ZNF292: variants seen among roughly 807,000 people sequenced by gnomAD.
ZNF292 encodes the protein 16 zinc-finger domain protein.
A neutral mutation model predicts 217.9 loss-of-function variants in ZNF292; 26 were observed. The ratio of observed to expected loss-of-function variants is 0.12; its 90% CI spans 0.09 to 0.17. The LOEUF (loss-of-function observed/expected upper bound fraction) is 0.17. Among genes scored for constraint, ZNF292 ranks in the 10% least tolerant of loss-of-function variants. ZNF292 has a pLI of 1.00. For synonymous variants in ZNF292, 1,257 were observed against 1,124.1 expected, an observed-to-expected ratio of 1.12 and a Z score of -2.37; for missense variants, 2,904 against 3,175.2, an observed-to-expected ratio of 0.91 and a Z score of 2.05.
chr6:87,257,966 C>G lies in ZNF292; in HGVS notation c.4337C>G (p.Ala1446Gly), dbSNP rs1206025830. 1.2e-6 allele frequency: 2 copies of G among 1,613,828 alleles called. No individual in the cohort carries two copies. The highest frequency in any genetic ancestry group is 1.7e-5 in the Admixed American group (1 of 59,986). Reference sequence around the variant, plus strand: ...CAACAATCTACCTTCAATCCAGAAGCATGTTTTAAAGATCCATCATTTCTA... The same window carrying G: ...CAACAATCTACCTTCAATCCAGAAGGATGTTTTAAAGATCCATCATTTCTA... ...QPQQSTFNPE[A>G]CFKDPSFLQL... The change falls in exon 8 of 8, where the codon GCA (alanine) becomes GGA (glycine). Residue 1446 changes from alanine (A) to glycine (G), a missense_variant. Ala to Gly is a moderately conservative substitution (Grantham distance 60). This residue lies in a region of ZNF292 where 622 missense variants were observed against 573.1 expected (regional missense o/e 1.09). Coordinates refer to ENST00000369577, the MANE Select transcript of ZNF292 (RefSeq NM_015021.3).
chr6:87,169,850 G>A (rs1771041219), intron 1 of ZNF292: 1 of 263,500 alleles, frequency 3.8e-6, no homozygotes, highest in Non-Finnish European at 7.9e-6. Context: ...GTTTTGCCAT[G>A]TTGCCCAGAC....
In ZNF292 at chr6:87,243,582, G is replaced by A. The variant is rs1166684408; in HGVS notation, c.849G>A (p.Gln283=). The A allele has an allele frequency of 3.2e-6, 5 of 1,551,202 alleles. No homozygotes were observed. Among genetic ancestry groups the A allele is most frequent in the Middle Eastern group, 1.7e-4 (1 of 5,996 alleles). ...TATGTACTGCGTTTTTGTCACGTCA[G>A]CTCCAACAAGGAGATATGTACTGCG... ...LVLCTAFLSR[Q]LQQGDMYCAW... is the part of the protein sequence containing the mutation. Residue 283 remains glutamine (Q), a synonymous_variant, in exon 6 of 8, where the codon CAG becomes CAA. Transcript: ENST00000369577.
chr6:87,233,199 A>G, intron 4 of ZNF292, 126 bp from the exon 5 acceptor site: 1 of 661,298 alleles, frequency 1.5e-6, no homozygotes, highest in South Asian at 2.2e-5. Flanking sequence ...TAGCCTTACT[A>G]GCAATAATAG....
rs372386103 is a variant in ZNF292 at position 87,257,557 on chromosome 6, C to A, written c.3928C>A (p.Leu1310Ile). Residue 1310 changes from leucine to isoleucine, a missense_variant, in exon 8 of 8, where the codon CTA becomes ATA. Physicochemically the swap from Leu to Ile is conservative, Grantham distance 5. Coordinates refer to ENST00000369577, the MANE Select transcript of ZNF292 (RefSeq NM_015021.3). Reference sequence around the variant, plus strand: ...TGAAGGAAACACTAATTCCTCCTTTCTAAAGGGGGGTAATGGTGAAAATGC... The same window carrying A: ...TGAAGGAAACACTAATTCCTCCTTTATAAAGGGGGGTAATGGTGAAAATGC... ...QIEGNTNSSF[L>I]KGGNGENAVF... is the part of the protein sequence containing the mutation. 3.1e-5 allele frequency: 50 copies of A among 1,607,100 alleles called. No homozygotes were observed. In the African/African-American group the frequency reaches 4.3e-4, roughly 14 times the overall value.
intron 5 of ZNF292, among the ~76,000 whole-genome samples, chr6:87,235,612 T>C (rs1773867016): frequency 6.6e-6 from 1 of 152,066 alleles, no homozygotes; most frequent in African/African-American, 2.4e-5. Context: ...AATAATCCAG[T>C]CTTGCAATAC....
rs1166095716 is a variant in ZNF292 at position 87,261,084 on chromosome 6, A to G, written c.7455A>G (p.Thr2485=). 1.2e-6 allele frequency: 2 copies of G among 1,609,826 alleles called. No individual in the cohort carries two copies. Among genetic ancestry groups the G allele is most frequent in the Non-Finnish European group, 1.7e-6 (2 of 1,178,042 alleles). Residue 2485 remains threonine, a synonymous_variant, in exon 8 of 8, where the codon ACA becomes ACG. Transcript: ENST00000369577. ...AAAAAGATGAAATGGATGAACTAAC[A>G]GAATTGTTTATTACAAAATTAATAA... ...KNEKDEMDEL[T]ELFITKLINE... is the part of the protein sequence containing the mutation.
At chr6:87,219,660 A>T (rs1772976614) in intron 4 of ZNF292, among the ~76,000 whole-genome samples, 1 of 152,144 alleles carries the variant, frequency 6.6e-6, no homozygotes. Context: ...TTCTGTCTTC[A>T]CCATTTTCTC....
intron 5 of ZNF292, among the ~76,000 whole-genome samples, chr6:87,236,133 C>A (rs1446076670): frequency 6.6e-6 from 1 of 152,234 alleles, no homozygotes; most frequent in Non-Finnish European, 1.5e-5. Context: ...TGCTCTCTCA[C>A]TTGCCCACCC....
At position 87,230,857 on chromosome 6, in the gene ZNF292, T is replaced by C. The variant is rs4707353; in HGVS notation, c.539-2468T>C. On this transcript the variant is annotated intron_variant, in intron 4 of 7. Coordinates refer to ENST00000369577, the MANE Select transcript of ZNF292 (RefSeq NM_015021.3). ...TGTTATCTATGTCACATAGCTTTCT[T>C]GATAGGCCCAAATATAGTAAAGCCT... 0.011 allele frequency among the ~76,000 whole-genome samples: 1,645 copies of C among 152,296 alleles called. 65 individuals carry two copies. The East Asian group carries it at 0.11, about 11-fold the overall frequency.
intron 1 of ZNF292, among the ~76,000 whole-genome samples, chr6:87,165,418 T>G (rs1401439450): frequency 6.6e-6 from 1 of 152,198 alleles, no homozygotes; most frequent in African/African-American, 2.4e-5. Flanking sequence ...CATTTTCAGA[T>G]AAGGGATACT....
Position 87,255,636 on chromosome 6 carries a change from G to C in ZNF292, c.2007G>C (p.Val669=), listed in dbSNP as rs1411926003. 2 of 1,612,730 alleles carry C rather than the reference G, an allele frequency of 1.2e-6. No individual in the cohort carries two copies. Among genetic ancestry groups the C allele is most frequent in the African/African-American group, 2.7e-5 (2 of 74,916 alleles). Residue 669 remains valine, a synonymous_variant, in exon 8 of 8, where the codon GTG becomes GTC. Transcript: ENST00000369577. ...DDKDKSYEPE[V]IPVQKPVPVN... ...AAGATAAATCCTATGAGCCAGAAGT[G>C]ATTCCAGTCCAGAAACCAGTACCTG...
At chr6:87,198,838 A>C (rs1410238941) in intron 1 of ZNF292, among the ~76,000 whole-genome samples, 1 of 152,226 alleles carries the variant, frequency 6.6e-6, no homozygotes, top group East Asian at 1.9e-4. Flanking sequence ...AAGCTATCAA[A>C]TATTTCATTC....
intron 1 of ZNF292, among the ~76,000 whole-genome samples, chr6:87,204,434 A>G (rs988128261): frequency 6.6e-6 from 1 of 152,120 alleles, no homozygotes; most frequent in Non-Finnish European, 1.5e-5. Context: ...TAACTACCAA[A>G]TAGCTTAGGA....
chr6:87,235,674 C>A (rs1773869920), intron 5 of ZNF292, among the ~76,000 whole-genome samples: 1 of 152,118 alleles, frequency 6.6e-6, no homozygotes, highest in Admixed American at 6.5e-5. Context: ...TAACAACAGT[C>A]CAGCCTACTC....
At chr6:87,215,649 C>T (rs942180359) in intron 1 of ZNF292, among the ~76,000 whole-genome samples, 1 of 152,036 alleles carries the variant, frequency 6.6e-6, no homozygotes, top group Non-Finnish European at 1.5e-5. Flanking sequence ...ATAACTCTTG[C>T]CCTATTTAAA....
intron 1 of ZNF292, among the ~76,000 whole-genome samples, chr6:87,212,476 T>C (rs1562143783): frequency 1.3e-5 from 2 of 152,206 alleles, no homozygotes; most frequent in Admixed American, 1.3e-4. Flanking sequence ...GTCTTAAAGC[T>C]ATCTAGAAGC....
intron 1 of ZNF292, among the ~76,000 whole-genome samples, chr6:87,164,239 C>T (rs1280860846): frequency 2.0e-5 from 3 of 152,166 alleles, no homozygotes; most frequent in Non-Finnish European, 4.4e-5. Flanking sequence ...GTCAGACAGG[C>T]TGGTCTAAAG....
At position 87,260,598 on chromosome 6, in the gene ZNF292, T is replaced by G. The variant is rs1196269324; in HGVS notation, c.6969T>G (p.Cys2323Trp). Reference protein sequence around the residue: ...SKHRGTKHSRCGKEGIKMPKT... With the variant: ...SKHRGTKHSRWGKEGIKMPKT... ...ATCGGGGGACCAAGCACAGCAGATG[T>G]GGAAAGGAAGGAATAAAAATGCCCA... Residue 2323 changes from cysteine to tryptophan, a missense_variant, in exon 8 of 8, where the codon TGT (cysteine) becomes TGG (tryptophan). Transcript: ENST00000369577. 6.2e-7 allele frequency: 1 copy of G among 1,612,370 alleles called. No individual in the cohort carries two copies. The highest frequency in any genetic ancestry group is 2.2e-5 in the East Asian group (1 of 44,846).
intron 4 of ZNF292, chr6:87,222,675 C>T (rs545820786): frequency 2.8e-6 from 1 of 359,660 alleles, no homozygotes; most frequent in Non-Finnish European, 5.7e-6. Context: ...ACATTTGTCA[C>T]AATTAATAAA....
Sources: allele counts gnomAD v4.1 joint callset (sites outside exome capture counted in the v4.1 genomes callset), GRCh38; gene constraint gnomAD v4.1.1; regional missense constraint gnomAD v4.1.1; transcripts MANE v1.5; gene names NCBI Gene and HGNC (gene_info 2026-07-23, HGNC 2026-07-21).